FSIP1: variants seen among roughly 807,000 people sequenced by gnomAD.
The protein encoded by FSIP1 is fibrous sheath-interacting protein 1.
Under a neutral mutation model 60.9 loss-of-function variants are expected in FSIP1, and 65 were observed. The observed-to-expected ratio is 1.07, with a 90% confidence interval of 0.87 to 1.31. The LOEUF is 1.31. Ranked by LOEUF, FSIP1 falls within the 40% of genes most tolerant of loss-of-function variation. FSIP1 has a pLI of 0.00. For missense variants in FSIP1, 675 were observed against 665.5 expected (o/e 1.01, Z -0.16); for synonymous variants, 209 against 221.2 (o/e 0.94, Z 0.49).
chr15:39,723,850 C>A (rs1473498955), intron 9 of FSIP1, among the ~76,000 whole-genome samples: 1 of 152,170 alleles, frequency 6.6e-6, no homozygotes, highest in African/African-American at 2.4e-5. Context: ...GTAGTCCAAT[C>A]CAAAAATAAT....
intron 10 of FSIP1, among the ~76,000 whole-genome samples, chr15:39,698,590 T>C (rs1419170097): frequency 6.6e-6 from 1 of 152,246 alleles, no homozygotes; most frequent in Non-Finnish European, 1.5e-5. Flanking sequence ...CTGAGCACTC[T>C]GCACTCCTCG....
chr15:39,602,226 G>C (rs1437024692), intron 11 of FSIP1: 1 of 428,732 alleles, frequency 2.3e-6, no homozygotes, highest in South Asian at 1.6e-5. Context: ...AACACACACA[G>C]ATGGAGGGAG....
At chr15:39,705,997 C>CAAA (rs35710055) in intron 10 of FSIP1, among the ~76,000 whole-genome samples, 1 of 115,426 alleles carries the variant, frequency 8.7e-6, no homozygotes, top group African/African-American at 3.1e-5. Flanking sequence ...GACTCGGTCT[C>CAAA]AAAAAAAAAA....
At chr15:39,723,698 T>A (rs757962086) in intron 9 of FSIP1, among the ~76,000 whole-genome samples, 2 of 152,224 alleles carry the variant, frequency 1.3e-5, no homozygotes, top group Non-Finnish European at 2.9e-5. Context: ...TGGAGAAAAA[T>A]TACTGGTGAG....
intron 10 of FSIP1, among the ~76,000 whole-genome samples, chr15:39,665,610 T>A (rs1256536730): frequency 6.6e-6 from 1 of 152,212 alleles, no homozygotes; most frequent in Non-Finnish European, 1.5e-5. Context: ...AATTAACTAC[T>A]CTTTATCTTA....
chr15:39,620,549 A>G (rs1891400986), intron 10 of FSIP1, among the ~76,000 whole-genome samples: 1 of 151,882 alleles, frequency 6.6e-6, no homozygotes, highest in Non-Finnish European at 1.5e-5. Flanking sequence ...CTTTATTACT[A>G]TAACAAAAGT....
At chr15:39,754,827 A>G (rs1897256540) in intron 5 of FSIP1, among the ~76,000 whole-genome samples, 1 of 152,160 alleles carries the variant, frequency 6.6e-6, no homozygotes, top group Non-Finnish European at 1.5e-5. Context: ...TCACTGTGTC[A>G]GATTCTACAG....
intron 1 of FSIP1, among the ~76,000 whole-genome samples, chr15:39,778,609 T>C (rs1299528156): frequency 1.3e-5 from 2 of 152,184 alleles, no homozygotes; most frequent in East Asian, 3.8e-4. Context: ...TAAAGCATTG[T>C]ACAAGAAAAA....
chr15:39,757,302 G>A (rs1469108592), intron 5 of FSIP1, among the ~76,000 whole-genome samples: 1 of 152,090 alleles, frequency 6.6e-6, no homozygotes, highest in East Asian at 1.9e-4. Context: ...TAGAACAGAT[G>A]AAAGTAGCTT....
In FSIP1 at chr15:39,730,410, T is replaced by A. The variant is rs561797684; in HGVS notation, c.892-3663A>T. On this transcript the variant is annotated intron_variant, in intron 8 of 11. Coordinates refer to ENST00000350221, the MANE Select transcript of FSIP1 (RefSeq NM_152597.5). ...ATAAGGTCATAAAGGGAAGCATTAC[T>A]GCAAAAAGAGGACAGAAGAATCATG... is the stretch of plus-strand genomic sequence containing the variant. 2.0e-5 allele frequency among the ~76,000 whole-genome samples: 3 copies of A among 152,288 alleles called. No homozygotes were observed. The South Asian group carries it at 6.2e-4, about 32-fold the overall frequency.
At chr15:39,608,555 AAAG>A (rs1890909359) in intron 11 of FSIP1, among the ~76,000 whole-genome samples, 2 of 152,332 alleles carry the variant, frequency 1.3e-5, no homozygotes, top group East Asian at 1.9e-4. Context: ...CTTTATCCAA[AAAG>A]AAGGACAATA....
At chr15:39,732,688 G>A (rs1221067049) in intron 8 of FSIP1, among the ~76,000 whole-genome samples, 1 of 151,754 alleles carries the variant, frequency 6.6e-6, no homozygotes, top group Admixed American at 6.6e-5. Context: ...GAGTTCAGGG[G>A]AATTAAAACA....
Position 39,763,691 on chromosome 15 carries a change from A to G in FSIP1, c.559+130T>C. On this transcript the variant is annotated intron_variant, in intron 5 of 11. Transcript: ENST00000350221. ...CATATAATCCTACCTAATGTGATCA[A>G]TTATTTCCCTAAAGAACAGTCAAAC... 1.9e-5 allele frequency: 12 copies of G among 620,486 alleles called. No homozygotes were observed. In the South Asian group the frequency reaches 2.4e-4, roughly 13 times the overall value. 38.4% of individuals were successfully genotyped at this position (620,486 alleles called of 1,614,324 possible). A position where few individuals can be genotyped will look rare whatever the true frequency, so the allele number is the denominator to read the frequency against.
intron 5 of FSIP1, 56 bp downstream of exon 5, chr15:39,763,765 C>A: frequency 1.1e-6 from 1 of 894,478 alleles, no homozygotes. Flanking sequence ...TACTTTAATC[C>A]AAATATTCCA....
At chr15:39,742,980 T>C (rs1896855796) in intron 5 of FSIP1, among the ~76,000 whole-genome samples, 2 of 152,166 alleles carry the variant, frequency 1.3e-5, no homozygotes, top group South Asian at 2.1e-4. Context: ...AGTTTTTTGT[T>C]GCAACCACTA....
At chr15:39,777,981 G>A (rs912429663) in intron 1 of FSIP1, among the ~76,000 whole-genome samples, 2 of 152,070 alleles carry the variant, frequency 1.3e-5, no homozygotes, top group Admixed American at 6.6e-5. Context: ...GCGATGTTAC[G>A]GCTTGGCTTC....
At chr15:39,724,260 T>C (rs967456831) in intron 9 of FSIP1, among the ~76,000 whole-genome samples, 1 of 151,790 alleles carries the variant, frequency 6.6e-6, no homozygotes, top group African/African-American at 2.4e-5. Flanking sequence ...CATACTTTTT[T>C]TTTTTTTTTT....
intron 9 of FSIP1, among the ~76,000 whole-genome samples, chr15:39,715,451 G>A (rs1895703297): frequency 6.6e-6 from 1 of 152,010 alleles, no homozygotes; most frequent in Non-Finnish European, 1.5e-5. Context: ...CTATAATCCT[G>A]AAGCTGTGTA....
intron 10 of FSIP1, among the ~76,000 whole-genome samples, chr15:39,662,556 T>C (rs972008420): frequency 3.3e-5 from 5 of 152,026 alleles, no homozygotes; most frequent in Admixed American, 2.6e-4. Flanking sequence ...CAATGAAAAA[T>C]AATGAGGTGG....
Sources: gnomAD v4.1 joint callset for allele counts (sites outside exome capture counted in the v4.1 genomes callset) on GRCh38, gnomAD v4.1.1 for gene constraint, MANE v1.5 for transcripts, NCBI Gene and HGNC (gene_info 2026-07-23, HGNC 2026-07-21) for gene names.